UGGT1: variants seen among roughly 807,000 people sequenced by gnomAD.
UGGT1 encodes UDP-glucose:glycoprotein glucosyltransferase 1.
In UGGT1, 107 loss-of-function variants were observed where a neutral mutation model predicts 203.9. That is an observed-to-expected ratio of 0.52 (90% confidence interval 0.45 to 0.62). The LOEUF is 0.62. UGGT1 is among the 20% of genes least tolerant of loss of function. The pLI is 0.00. For missense variants in UGGT1, 1,673 were observed against 1,867.2 expected (o/e 0.90, Z 1.92); for synonymous variants, 628 against 653.5 (o/e 0.96, Z 0.59).
In UGGT1 at chr2:128,115,220, G is replaced by A; in HGVS notation, c.793G>A (p.Gly265Arg). ...GGCCAAGGATGATACTCAGGTGAAA[G>A]GTGAATTTGTAAAAATGGGACCAGT... ...YKAKDDTQVKGTEVNTTVIGE... is the reference protein window; with the variant it reads ...YKAKDDTQVKRTEVNTTVIGE... The change falls in exon 7 of 41, where the codon GGA becomes AGA. Residue 265 changes from glycine (G) to arginine (R), a missense_variant and splice_region_variant. Around this residue, in one of 4 missense-constraint regions of UGGT1, gnomAD observed 1,073 missense variants for 1,078.7 expected, o/e 0.99. Transcript: ENST00000259253. 1 of 1,612,970 alleles carries A rather than the reference G, an allele frequency of 6.2e-7. No homozygotes were observed. The highest frequency in any genetic ancestry group is 8.5e-7 in the Non-Finnish European group (1 of 1,179,248).
intron 22 of UGGT1, 129 bp downstream of exon 22, chr2:128,157,475 G>C (rs961511730): frequency 1.8e-5 from 12 of 656,716 alleles, no homozygotes; most frequent in Non-Finnish European, 2.6e-5. Context: ...AGGGAACGGA[G>C]AATTGTATCT....
intron 13 of UGGT1, among the ~76,000 whole-genome samples, chr2:128,129,992 G>A (rs1688796080): frequency 6.6e-6 from 1 of 151,944 alleles, no homozygotes; most frequent in African/African-American, 2.4e-5. Context: ...TGGGCTTGGT[G>A]GCTCGTGCCT....
intron 18 of UGGT1, among the ~76,000 whole-genome samples, chr2:128,152,267 A>G (rs1690009717): frequency 6.6e-6 from 1 of 152,018 alleles, no homozygotes; most frequent in Non-Finnish European, 1.5e-5. Flanking sequence ...TCCCAGGTTC[A>G]AGTGATTCTC....
At chr2:128,178,354 G>A (rs1691503361) in intron 33 of UGGT1, 114 bp from the exon 34 acceptor site, 12 of 906,338 alleles carry the variant, frequency 1.3e-5, no homozygotes, top group Admixed American at 2.5e-5. Context: ...CACTCCTGCT[G>A]CAGCTCACCC....
Position 128,145,595 on chromosome 2 carries a change from C to G in UGGT1, c.1852-208C>G, listed in dbSNP as rs1689649086. Reference sequence around the variant, plus strand: ...TTTTGTGGTCTTGTAAAAACTTGAACTCAGTAATTCAATCTCAGATTTACA... The same window carrying G: ...TTTTGTGGTCTTGTAAAAACTTGAAGTCAGTAATTCAATCTCAGATTTACA... On this transcript the variant is annotated intron_variant, in intron 17 of 40. Coordinates refer to ENST00000259253, the MANE Select transcript of UGGT1 (RefSeq NM_020120.4). 8.0e-6 allele frequency: 4 copies of G among 497,102 alleles called. No individual in the cohort carries two copies. The East Asian group carries it at 1.5e-4, about 19-fold the overall frequency. 30.8% of individuals were successfully genotyped at this position (497,102 alleles called of 1,614,324 possible).
At position 128,195,487 on chromosome 2, in the gene UGGT1, A is replaced by G. The variant is rs995854307; in HGVS notation, c.*5745A>G. On this transcript the variant is annotated 3_prime_UTR_variant, in exon 41 of 41. Transcript: ENST00000259253. Reference sequence around the variant, plus strand: ...TTAAAAATCTTCTTTATGAATATCCAATGTTACTGTAATCCTGCTCCATTA... The same window carrying G: ...TTAAAAATCTTCTTTATGAATATCCGATGTTACTGTAATCCTGCTCCATTA... 7.2e-5 allele frequency: 11 copies of G among 152,188 alleles called. No homozygotes were observed. The highest frequency in any genetic ancestry group is 2.7e-4 in the African/African-American group (11 of 41,442). 9.4% of individuals were successfully genotyped at this position (152,188 alleles called of 1,614,324 possible).
chr2:128,152,767 C>CT lies in UGGT1; in HGVS notation c.2017-8dup, dbSNP rs745399416. The CT allele has an allele frequency of 2.6e-4, 403 of 1,569,002 alleles. No homozygotes were observed. The highest frequency in any genetic ancestry group is 9.0e-4 in the Admixed American group (46 of 51,218). ...TGCTTTACCCTCCCCCCTCAACCTC[C>CT]TTTTTTTTTCTTGCAGGGTGAACTG... On this transcript the variant is annotated splice_polypyrimidine_tract_variant and intron_variant, in intron 18 of 40. Transcript: ENST00000259253.
At chr2:128,162,250 T>C (rs1332850068) in intron 25 of UGGT1, among the ~76,000 whole-genome samples, 1 of 152,094 alleles carries the variant, frequency 6.6e-6, no homozygotes, top group Non-Finnish European at 1.5e-5. Flanking sequence ...GTAGCAGTTC[T>C]TTATACATTT....
At position 128,189,794 on chromosome 2, in the gene UGGT1, AAATG is replaced by A; in HGVS notation, c.*53_*56del. On this transcript the variant is annotated 3_prime_UTR_variant, in exon 41 of 41. Transcript: ENST00000259253. ...CCATTTGAAAAACAGTTTTTATAAT[AAATG>A]CTAGTTTTTTCTGATCTGTCTATAC... The A allele has an allele frequency of 6.2e-7, 1 of 1,601,840 alleles. No individual in the cohort carries two copies. Among genetic ancestry groups the A allele is most frequent in the Non-Finnish European group, 8.5e-7 (1 of 1,171,348 alleles).
intron 26 of UGGT1, among the ~76,000 whole-genome samples, chr2:128,167,181 A>G (rs1340914256): frequency 6.6e-6 from 1 of 152,202 alleles, no homozygotes; most frequent in Non-Finnish European, 1.5e-5. Flanking sequence ...TCAACCTGCC[A>G]TCTTGTTTAC....
chr2:128,154,990 C>G (rs551182091), intron 19 of UGGT1, among the ~76,000 whole-genome samples: 2 of 152,226 alleles, frequency 1.3e-5, no homozygotes, highest in African/African-American at 4.8e-5. Flanking sequence ...GGAGAAGGGA[C>G]ATATGCAAAA....
chr2:128,115,285 C>A, intron 7 of UGGT1, 65 bp downstream of exon 7: 2 of 1,416,536 alleles, frequency 1.4e-6, no homozygotes, highest in South Asian at 1.2e-5. Flanking sequence ...AGTTTGTTTC[C>A]ATATGAAAAA....
intron 36 of UGGT1, among the ~76,000 whole-genome samples, chr2:128,181,779 C>G (rs1691702675): frequency 6.6e-6 from 1 of 152,234 alleles, no homozygotes; most frequent in African/African-American, 2.4e-5. Flanking sequence ...TATTCTACAT[C>G]TGTCCATCCA....
Position 128,191,851 on chromosome 2 carries a change from A to C in UGGT1, c.*2109A>C, listed in dbSNP as rs928245359. The C allele has an allele frequency of 6.6e-6, 1 of 152,382 alleles. No homozygotes were observed. The highest frequency in any genetic ancestry group is 1.5e-5 in the Non-Finnish European group (1 of 68,182). The allele number at this position is 152,382 out of a possible 1,614,324, so 9.4% of individuals were successfully genotyped here. A position where few individuals can be genotyped will look rare whatever the true frequency, so the allele number is the denominator to read the frequency against. On this transcript the variant is annotated 3_prime_UTR_variant, in exon 41 of 41. Transcript: ENST00000259253. ...AGCCTGGGTGACAGAGCGAGACTCCATCTCAGAAAACAAACAAACAAAAAG... is the reference window on the plus strand; with the variant it reads ...AGCCTGGGTGACAGAGCGAGACTCCCTCTCAGAAAACAAACAAACAAAAAG...
intron 37 of UGGT1, among the ~76,000 whole-genome samples, chr2:128,183,305 CTG>C (rs1394197375): frequency 3.9e-5 from 6 of 152,206 alleles, no homozygotes; most frequent in Non-Finnish European, 5.9e-5. Flanking sequence ...ACTGTAAGGA[CTG>C]TAACACTCTG....
At chr2:128,169,048 TAAAAAAAAAAAAAAAAAAAAAAAAAAAAA>T (rs544381740) in intron 26 of UGGT1, among the ~76,000 whole-genome samples, 2 of 52,562 alleles carry the variant, frequency 3.8e-5, no homozygotes. Context: ...ACTCTGTCTT[TAAAAAAAAAAAAAAAAAAAAAAAAAAAAA>T]AAAAAAAAAA....
In UGGT1 at chr2:128,194,528, A is replaced by C. The variant is rs1216547247; in HGVS notation, c.*4786A>C. ...GTGATCCACCCGCATCGGCCCCCCA[A>C]AGTGCTGGGATTATAGGCGTGAACC... On this transcript the variant is annotated 3_prime_UTR_variant, in exon 41 of 41. Coordinates refer to ENST00000259253, the MANE Select transcript of UGGT1 (RefSeq NM_020120.4). 6.6e-6 allele frequency: 1 copy of C among 152,170 alleles called. No homozygotes were observed. Among genetic ancestry groups the C allele is most frequent in the Non-Finnish European group, 1.5e-5 (1 of 68,034 alleles). 9.4% of individuals were successfully genotyped at this position (152,170 alleles called of 1,614,324 possible).
intron 26 of UGGT1, among the ~76,000 whole-genome samples, chr2:128,167,120 A>G (rs772762367): frequency 1.3e-4 from 20 of 152,260 alleles, no homozygotes; most frequent in Non-Finnish European, 2.8e-4. Flanking sequence ...ACATTTTGTG[A>G]ACTTTCAGGA....
chr2:128,175,277 G>C (rs547037755), intron 31 of UGGT1, among the ~76,000 whole-genome samples: 3 of 152,348 alleles, frequency 2.0e-5, no homozygotes, highest in Admixed American at 6.5e-5. Flanking sequence ...CTTTGGTCTT[G>C]AAGCTGTGCT....
Sources: allele counts gnomAD v4.1 joint callset (sites outside exome capture counted in the v4.1 genomes callset), GRCh38; gene constraint gnomAD v4.1.1; regional missense constraint gnomAD v4.1.1; transcripts MANE v1.5; gene names NCBI Gene and HGNC (gene_info 2026-07-23, HGNC 2026-07-21).